The following MEAK7 variants were observed in gnomAD, a reference collection of about 807,000 sequenced individuals.
The protein encoded by MEAK7 is MTOR-associated protein MEAK7.
In MEAK7, 68 loss-of-function variants were observed where a neutral mutation model predicts 40.5. That is an observed-to-expected ratio of 1.68 (90% CI 1.38 to 2.06). The LOEUF (loss-of-function observed/expected upper bound fraction) is 2.06. Ranked by LOEUF, MEAK7 falls within the 30% of genes most tolerant of loss-of-function variation. The pLI is 0.00. For missense variants in MEAK7, 918 were observed against 580.5 expected, an observed-to-expected ratio of 1.58 and a Z score of -5.98; for synonymous variants, 338 against 231.9, an observed-to-expected ratio of 1.46 and a Z score of -4.16.
rs151316478 is a variant in MEAK7, at chr16:84,495,907, C to A, written c.160G>T (p.Val54Phe). 5 of 1,613,930 alleles carry A rather than the reference C, an allele frequency of 3.1e-6. No homozygotes were observed. The South Asian group carries it at 5.5e-5, about 18-fold the overall frequency. ...ATCTCTGGGGGAAGAGCTTCCCCGACGTGGTTCTGCCGGGGACAAGCAGAA... is the reference window on the plus strand; with the variant it reads ...ATCTCTGGGGGAAGAGCTTCCCCGAAGTGGTTCTGCCGGGGACAAGCAGAA... ...SFSLKALQNHVGEALPPEMVT... is the reference protein window; with the variant it reads ...SFSLKALQNHFGEALPPEMVT... The change falls in exon 3 of 8, where the codon GTC becomes TTC. Residue 54 changes from valine to phenylalanine, a missense_variant. Physicochemically the swap from Val to Phe is conservative, Grantham distance 50. Transcript: ENST00000343629.
intron 5 of MEAK7, among the ~76,000 whole-genome samples, chr16:84,483,194 A>G (rs1912732042): frequency 6.6e-6 from 1 of 152,222 alleles, no homozygotes; most frequent in South Asian, 2.1e-4. Context: ...AGCTGTCCCC[A>G]GGGGCACGGC....
chr16:84,484,578 G>A (rs1175873442), intron 5 of MEAK7, among the ~76,000 whole-genome samples: 1 of 152,192 alleles, frequency 6.6e-6, no homozygotes, highest in Non-Finnish European at 1.5e-5. Flanking sequence ...AAAACACTCT[G>A]ATGAAAACAG....
rs1240308115 is a variant in MEAK7, at chr16:84,476,659, A to G, written c.*3254T>C. ...TATGGTGGGACATCACGCAGTCCAT[A>G]AAGACAAGAGGGAGGCAGGTGGGTG... On this transcript the variant is annotated 3_prime_UTR_variant, in exon 8 of 8. Coordinates refer to ENST00000343629, the MANE Select transcript of MEAK7 (RefSeq NM_020947.4). The G allele has an allele frequency of 6.6e-6, 1 of 152,184 alleles. No homozygotes were observed. The highest frequency in any genetic ancestry group is 1.5e-5 in the Non-Finnish European group (1 of 68,038). The allele number at this position is 152,184 out of a possible 1,614,324, so 9.4% of individuals were successfully genotyped here.
At chr16:84,481,478 C>T (rs946458429) in intron 6 of MEAK7, among the ~76,000 whole-genome samples, 9 of 152,322 alleles carry the variant, frequency 5.9e-5, no homozygotes, top group Admixed American at 1.3e-4. Flanking sequence ...GCCACCAGAC[C>T]GCCCTTTCCA....
chr16:84,490,653 G>GGTGTGTGTGTGTGTGTGTGTGTGTGTGT lies in MEAK7; in HGVS notation c.385-1232_385-1231insACACACACACACACACACACACACACAC, dbSNP rs571630201. ...GTCAGCTTAATTAAAAGCTAATCAA[G>GGTGTGTGTGTGTGTGTGTGTGTGTGTGT]ATGTGTGTGTGTGTGTGTGTGTGTG... On this transcript the variant is annotated intron_variant, in intron 3 of 7. Coordinates refer to ENST00000343629, the MANE Select transcript of MEAK7 (RefSeq NM_020947.4). Among the ~76,000 whole-genome samples the GGTGTGTGTGTGTGTGTGTGTGTGTGTGT allele has an allele frequency of 4.0e-3, 414 of 104,484 alleles. 16 individuals carry two copies. The highest frequency in any genetic ancestry group is 5.2e-3 in the Non-Finnish European group (267 of 51,072). The allele number at this position is 104,484 out of a possible 152,430, so 68.5% of individuals were successfully genotyped here.
Position 84,482,666 on chromosome 16 carries a change from C to G in MEAK7, c.1003G>C (p.Val335Leu). ...TCGTTGTAGCCCGTGTGTGTGTACA[C>G]AGCCATGCTGGGGCAGATGGAGAAC... ...FLFSICPSMAVYTHTGYNDHY... is the reference protein window; with the variant it reads ...FLFSICPSMALYTHTGYNDHY... The change falls in exon 6 of 8, where the codon GTG becomes CTG. Residue 335 changes from valine (V) to leucine (L), a missense_variant. Coordinates refer to ENST00000343629, the MANE Select transcript of MEAK7 (RefSeq NM_020947.4). The G allele has an allele frequency of 6.2e-7, 1 of 1,614,224 alleles. No homozygotes were observed. The highest frequency in any genetic ancestry group is 1.1e-5 in the South Asian group (1 of 91,086).
chr16:84,482,181 G>C (rs1317472158), intron 6 of MEAK7, among the ~76,000 whole-genome samples: 4 of 152,146 alleles, frequency 2.6e-5, no homozygotes, highest in Admixed American at 1.3e-4. Context: ...CCCCAACTGG[G>C]GCCCCACATG....
At chr16:84,500,146 C>G (rs1914380307) in intron 1 of MEAK7, 1 of 152,230 alleles carries the variant, frequency 6.6e-6, no homozygotes, top group Admixed American at 6.5e-5. Flanking sequence ...GGTCAGCATT[C>G]CACTCCTTTT....
At chr16:84,494,747 G>T (rs1010372311) in intron 3 of MEAK7, 1 of 443,694 alleles carries the variant, frequency 2.3e-6, no homozygotes. Flanking sequence ...ATCTGACTAG[G>T]AATAAACCAT....
chr16:84,490,653 GATGTGTGTGTGTGTGT>G (rs1437515048), intron 3 of MEAK7, among the ~76,000 whole-genome samples: 3 of 104,502 alleles, frequency 2.9e-5, no homozygotes, highest in African/African-American at 8.1e-5. Flanking sequence ...AGCTAATCAA[GATGTGTGTGTGTGTGT>G]GTGTGTGTGT....
intron 2 of MEAK7, chr16:84,497,723 A>T: frequency 7.2e-7 from 1 of 1,390,872 alleles, no homozygotes; most frequent in South Asian, 1.2e-5. Context: ...GGCTATTTTC[A>T]CACAGTAACG....
chr16:84,487,108 T>A, intron 4 of MEAK7, 49 bp from the exon 5 acceptor site: 1 of 1,554,124 alleles, frequency 6.4e-7, no homozygotes, highest in Non-Finnish European at 8.7e-7. Context: ...TGTCACCATT[T>A]AGCTACTATC....
chr16:84,487,541 T>C (rs1913196547), intron 4 of MEAK7: 1 of 157,560 alleles, frequency 6.3e-6, no homozygotes, highest in South Asian at 1.9e-4. Flanking sequence ...GAGCCGCTCA[T>C]CCAAGGGCGT....
At chr16:84,480,307 G>A (rs1912413220) in intron 7 of MEAK7, among the ~76,000 whole-genome samples, 1 of 152,066 alleles carries the variant, frequency 6.6e-6, no homozygotes, top group African/African-American at 2.4e-5. Context: ...CTCGCACTTG[G>A]GGAACCCCCC....
At chr16:84,492,753 T>C (rs1913731729) in intron 3 of MEAK7, among the ~76,000 whole-genome samples, 1 of 152,010 alleles carries the variant, frequency 6.6e-6, no homozygotes, top group Admixed American at 6.6e-5. Flanking sequence ...GGCCAATTTT[T>C]GTATTTTTGG....
Position 84,495,355 on chromosome 16 carries a change from G to C in MEAK7, c.384+328C>G, listed in dbSNP as rs558298889. Among the ~76,000 whole-genome samples, 4 of 152,198 alleles carry C rather than the reference G, an allele frequency of 2.6e-5. No homozygotes were observed. The East Asian group carries it at 7.7e-4, about 29-fold the overall frequency. ...TAAAGTGCTGATTTACTGAGTGCAAGACAAACACACATTGACTATTTCCCT... is the reference window on the plus strand; with the variant it reads ...TAAAGTGCTGATTTACTGAGTGCAACACAAACACACATTGACTATTTCCCT... On this transcript the variant is annotated intron_variant, in intron 3 of 7. Transcript: ENST00000343629.
intron 6 of MEAK7, 85 bp from the exon 7 acceptor site, chr16:84,480,793 T>A (rs538120731): frequency 2.7e-6 from 4 of 1,456,358 alleles, no homozygotes; most frequent in Non-Finnish European, 3.7e-6. Context: ...GCCTCTCGCC[T>A]TAAGTACCAG....
chr16:84,489,218 G>T, intron 4 of MEAK7, 60 bp downstream of exon 4: 4 of 1,575,342 alleles, frequency 2.5e-6, no homozygotes, highest in African/African-American at 1.3e-5. Context: ...TACAGTAATG[G>T]AGACAGCAGG....
chr16:84,478,743 C>G lies in MEAK7; in HGVS notation c.*1170G>C, dbSNP rs986583300. On this transcript the variant is annotated 3_prime_UTR_variant, in exon 8 of 8. Coordinates refer to ENST00000343629, the MANE Select transcript of MEAK7 (RefSeq NM_020947.4). ...AAGTCAGTCTACACTGCTGAATTTC[C>G]CATCATCCCCCTCGGGAGCAGCCCT... 6 of 152,210 alleles carry G rather than the reference C, an allele frequency of 3.9e-5. No individual in the cohort carries two copies. Among genetic ancestry groups the G allele is most frequent in the African/African-American group, 1.4e-4 (6 of 41,422 alleles). 9.4% of individuals were successfully genotyped at this position (152,210 alleles called of 1,614,324 possible). A position where few individuals can be genotyped will look rare whatever the true frequency, so the allele number is the denominator to read the frequency against.
Sources: allele counts gnomAD v4.1 joint callset (sites outside exome capture counted in the v4.1 genomes callset), GRCh38; gene constraint gnomAD v4.1.1; transcripts MANE v1.5; gene names NCBI Gene and HGNC (gene_info 2026-07-23, HGNC 2026-07-21).